ARSJ: variants seen among roughly 807,000 people sequenced by gnomAD.
ARSJ encodes arylsulfatase J.
A neutral mutation model predicts 35.9 loss-of-function variants in ARSJ; 26 were observed. The observed-to-expected ratio is 0.72, with a 90% CI of 0.53 to 1.00. ARSJ has a LOEUF of 1.00. ARSJ is among the 50% of genes least tolerant of loss of function. The pLI is 0.00. For missense variants in ARSJ, 667 were observed against 723.6 expected (o/e 0.92, Z 0.90); for synonymous variants, 294 against 267.6 (o/e 1.10, Z -0.96).
At chr4:113,912,635 G>T (rs1252753941) in intron 1 of ARSJ, among the ~76,000 whole-genome samples, 2 of 151,934 alleles carry the variant, frequency 1.3e-5, no homozygotes, top group Non-Finnish European at 2.9e-5. Context: ...AAATGTATAG[G>T]TTCCATGAGG....
chr4:113,974,291 G>A lies in ARSJ; in HGVS notation c.398+4146C>T, dbSNP rs138522233. On this transcript the variant is annotated intron_variant, in intron 1 of 1. Coordinates refer to ENST00000315366, the MANE Select transcript of ARSJ (RefSeq NM_024590.4). ...GATTACAAGAAAATTAAAACCTCCC[G>A]TTAATAAAAAAAATGAAAAATCGCT... 1.5e-3 allele frequency among the ~76,000 whole-genome samples: 232 copies of A among 151,386 alleles called. 3 individuals are homozygous for A. The East Asian group carries it at 0.036, about 23-fold the overall frequency.
intron 1 of ARSJ, among the ~76,000 whole-genome samples, chr4:113,971,392 C>T (rs773446015): frequency 1.1e-4 from 16 of 152,284 alleles, no homozygotes; most frequent in Middle Eastern, 3.4e-3. Context: ...ATTTCGGAAA[C>T]TCAATAGAAT....
chr4:113,972,299 AAAAAAAAC>A (rs1393832803), intron 1 of ARSJ, among the ~76,000 whole-genome samples: 3 of 142,768 alleles, frequency 2.1e-5, no homozygotes, highest in African/African-American at 7.6e-5. Context: ...TCTGGAAAAA[AAAAAAAAC>A]AAAAAAAAAA....
chr4:113,937,029 C>A (rs1724806973), intron 1 of ARSJ, among the ~76,000 whole-genome samples: 1 of 151,710 alleles, frequency 6.6e-6, no homozygotes, highest in South Asian at 2.1e-4. Context: ...GAAAGTTAAC[C>A]AACATAGAAA....
At chr4:113,957,750 CT>C (rs1160277998) in intron 1 of ARSJ, among the ~76,000 whole-genome samples, 1 of 152,020 alleles carries the variant, frequency 6.6e-6, no homozygotes, top group Non-Finnish European at 1.5e-5. Context: ...CTCCAAATTG[CT>C]TATGTAGGAA....
intron 1 of ARSJ, among the ~76,000 whole-genome samples, chr4:113,925,400 C>T (rs896083893): frequency 2.0e-5 from 3 of 151,958 alleles, no homozygotes; most frequent in East Asian, 1.9e-4. Flanking sequence ...TTCCTGGACC[C>T]GTGAATCCTG....
chr4:113,964,398 C>T (rs1303907059), intron 1 of ARSJ, among the ~76,000 whole-genome samples: 1 of 152,088 alleles, frequency 6.6e-6, no homozygotes, highest in African/African-American at 2.4e-5. Flanking sequence ...TTCTCAGAAA[C>T]TCATTATTCA....
chr4:113,936,297 G>C (rs1724763331), intron 1 of ARSJ, among the ~76,000 whole-genome samples: 1 of 151,850 alleles, frequency 6.6e-6, no homozygotes, highest in Non-Finnish European at 1.5e-5. Flanking sequence ...ACTGATAAGT[G>C]ATATTTGTTG....
intron 1 of ARSJ, among the ~76,000 whole-genome samples, chr4:113,946,881 T>G (rs1312179117): frequency 3.3e-5 from 5 of 152,128 alleles, no homozygotes; most frequent in Admixed American, 3.3e-4. Flanking sequence ...TAAAATTTGT[T>G]TACTTTATCA....
At chr4:113,932,034 T>G (rs1409158732) in intron 1 of ARSJ, among the ~76,000 whole-genome samples, 1 of 151,998 alleles carries the variant, frequency 6.6e-6, no homozygotes, top group African/African-American at 2.4e-5. Context: ...CACTAGAAAC[T>G]TAAAAAGACC....
At chr4:113,936,138 G>C (rs1724752655) in intron 1 of ARSJ, among the ~76,000 whole-genome samples, 1 of 151,796 alleles carries the variant, frequency 6.6e-6, no homozygotes. Flanking sequence ...TCACTGTATT[G>C]TTCATGTATT....
rs1357165109 is a variant in ARSJ at position 113,976,704 on chromosome 4, T to C, written c.398+1733A>G. Among the ~76,000 whole-genome samples the C allele has an allele frequency of 3.3e-5, 5 of 152,230 alleles. No individual in the cohort carries two copies. The South Asian group carries it at 6.2e-4, about 19-fold the overall frequency. On this transcript the variant is annotated intron_variant, in intron 1 of 1. Transcript: ENST00000315366. ...TAAATCAAATCACAGTAGCTATTTG[T>C]ACTTTTTGTCTATAAAAGTTATACA...
At chr4:113,916,243 A>G (rs1258404235) in intron 1 of ARSJ, among the ~76,000 whole-genome samples, 1 of 152,164 alleles carries the variant, frequency 6.6e-6, no homozygotes, top group Non-Finnish European at 1.5e-5. Context: ...AATCCGGCCT[A>G]CCTTTTCTAT....
At chr4:113,909,153 A>G (rs1193098766) in intron 1 of ARSJ, among the ~76,000 whole-genome samples, 3 of 152,140 alleles carry the variant, frequency 2.0e-5, no homozygotes, top group African/African-American at 7.2e-5. Context: ...AAAAAAAAGA[A>G]TTAGGAATGA....
chr4:113,911,664 T>C (rs951097709), intron 1 of ARSJ, among the ~76,000 whole-genome samples: 1 of 152,112 alleles, frequency 6.6e-6, no homozygotes, highest in Non-Finnish European at 1.5e-5. Context: ...AATCTTTGCA[T>C]TGAGTTAAGA....
intron 1 of ARSJ, among the ~76,000 whole-genome samples, chr4:113,920,057 A>G (rs1723569667): frequency 6.6e-6 from 1 of 152,146 alleles, no homozygotes; most frequent in Admixed American, 6.6e-5. Context: ...TTAATAAAAT[A>G]GGGGACAGAT....
intron 1 of ARSJ, among the ~76,000 whole-genome samples, chr4:113,975,037 C>A (rs1727506511): frequency 6.6e-6 from 1 of 152,036 alleles, no homozygotes; most frequent in South Asian, 2.1e-4. Context: ...AAACATAATG[C>A]TAAAAGAAAC....
intron 1 of ARSJ, among the ~76,000 whole-genome samples, chr4:113,916,543 T>TG (rs199512887): frequency 0.031 from 4,762 of 152,002 alleles, 254 homozygotes; most frequent in African/African-American, 0.11. Flanking sequence ...TTTTGTCCTC[T>TG]GGTACATCAT....
intron 1 of ARSJ, among the ~76,000 whole-genome samples, chr4:113,938,213 G>A (rs11942446): frequency 0.016 from 2,413 of 152,072 alleles, 68 homozygotes; most frequent in African/African-American, 0.055. Flanking sequence ...GAACAGAATA[G>A]ATAACTCAGA....
Sources: gnomAD v4.1 joint callset for allele counts (sites outside exome capture counted in the v4.1 genomes callset) on GRCh38, gnomAD v4.1.1 for gene constraint, MANE v1.5 for transcripts, NCBI Gene and HGNC (gene_info 2026-07-23, HGNC 2026-07-21) for gene names.